EML4: variants seen among roughly 807,000 people sequenced by gnomAD.
EML4 encodes echinoderm microtubule-associated protein-like 4.
Under a neutral mutation model 129.0 loss-of-function variants are expected in EML4, and 72 were observed. The ratio of observed to expected loss-of-function variants is 0.56; its 90% confidence interval spans 0.46 to 0.68. The LOEUF is 0.68. EML4 is among the 30% of genes least tolerant of loss of function. EML4 has a pLI of 0.00. For missense variants in EML4, 1,363 were observed against 1,190.6 expected (o/e 1.14, Z -2.13); for synonymous variants, 532 against 405.0 (o/e 1.31, Z -3.77).
intron 3 of EML4, among the ~76,000 whole-genome samples, chr2:42,256,875 GGTTTT>G (rs1177497755): frequency 6.6e-6 from 1 of 152,064 alleles, no homozygotes; most frequent in Non-Finnish European, 1.5e-5. Context: ...TTCATTTCCT[GGTTTT>G]GTTTTGTTTC....
At chr2:42,264,443 A>G (rs1201271491) in intron 5 of EML4, among the ~76,000 whole-genome samples, 1 of 152,150 alleles carries the variant, frequency 6.6e-6, no homozygotes, top group Non-Finnish European at 1.5e-5. Context: ...ATAATCATAT[A>G]AGATTTGAGT....
intron 20 of EML4, 197 bp from the exon 21 acceptor site, chr2:42,325,957 C>T: frequency 2.7e-6 from 1 of 368,678 alleles, no homozygotes; most frequent in Non-Finnish European, 3.8e-6. Flanking sequence ...AAAAAAAAAA[C>T]TTCCATGGGA....
At chr2:42,185,954 CTG>C (rs1051131560) in intron 1 of EML4, among the ~76,000 whole-genome samples, 4 of 152,100 alleles carry the variant, frequency 2.6e-5, no homozygotes, top group African/African-American at 9.7e-5. Flanking sequence ...CTACAAGACT[CTG>C]TTATGAATCA....
At chr2:42,304,371 T>C in intron 16 of EML4, 113 bp from the exon 17 acceptor site, 1 of 750,972 alleles carries the variant, frequency 1.3e-6, no homozygotes, top group Non-Finnish European at 2.4e-6. Flanking sequence ...AGCTACAAAG[T>C]TGATTGAAAT....
intron 17 of EML4, among the ~76,000 whole-genome samples, chr2:42,309,539 C>T (rs1668813455): frequency 6.6e-6 from 1 of 150,520 alleles, no homozygotes; most frequent in Non-Finnish European, 1.5e-5. Flanking sequence ...GTTTCAGTTT[C>T]TCCACATCCT....
At chr2:42,201,851 G>T (rs966398295) in intron 1 of EML4, among the ~76,000 whole-genome samples, 4 of 152,224 alleles carry the variant, frequency 2.6e-5, no homozygotes, top group African/African-American at 9.6e-5. Context: ...GGAGGCTGAG[G>T]TAGGCAGATC....
At chr2:42,280,701 C>G (rs1447148539) in intron 6 of EML4, 149 bp from the exon 7 acceptor site, 2 of 609,706 alleles carry the variant, frequency 3.3e-6, no homozygotes, top group South Asian at 2.3e-5. Context: ...TACAGGACAA[C>G]TATATAACAA....
intron 1 of EML4, among the ~76,000 whole-genome samples, chr2:42,197,285 A>G (rs994407530): frequency 6.6e-6 from 1 of 152,118 alleles, no homozygotes; most frequent in African/African-American, 2.4e-5. Flanking sequence ...CTGGTCTCCA[A>G]CTGTGAGGGC....
intron 19 of EML4, among the ~76,000 whole-genome samples, chr2:42,323,958 GAAA>G (rs1669656946): frequency 6.9e-6 from 1 of 144,114 alleles, no homozygotes; most frequent in African/African-American, 2.6e-5. Flanking sequence ...AAAAAAAAAA[GAAA>G]AGAAAAAGAA....
intron 1 of EML4, among the ~76,000 whole-genome samples, chr2:42,205,782 A>G (rs933995682): frequency 2.0e-5 from 3 of 152,138 alleles, no homozygotes; most frequent in Non-Finnish European, 2.9e-5. Context: ...TTGGGTTAGA[A>G]TTCCCTAATT....
intron 6 of EML4, among the ~76,000 whole-genome samples, chr2:42,280,475 T>C (rs1666942950): frequency 6.6e-6 from 1 of 152,228 alleles, no homozygotes; most frequent in African/African-American, 2.4e-5. Flanking sequence ...GGGAAAAAAA[T>C]TGTCTGTTAT....
At chr2:42,178,202 G>A (rs1670719677) in intron 1 of EML4, among the ~76,000 whole-genome samples, 1 of 152,136 alleles carries the variant, frequency 6.6e-6, no homozygotes, top group African/African-American at 2.4e-5. Context: ...TATAAAATTG[G>A]TAGGGCTAGG....
At chr2:42,260,333 A>G (rs985248025) in intron 3 of EML4, among the ~76,000 whole-genome samples, 1 of 151,946 alleles carries the variant, frequency 6.6e-6, no homozygotes, top group Non-Finnish European at 1.5e-5. Flanking sequence ...GCGCCAAGCT[A>G]ATTTTTGTAT....
chr2:42,205,124 A>T (rs1672468632), intron 1 of EML4, among the ~76,000 whole-genome samples: 1 of 152,224 alleles, frequency 6.6e-6, no homozygotes, highest in Non-Finnish European at 1.5e-5. Flanking sequence ...TATTGGAAAT[A>T]AAATGAAGGG....
At chr2:42,312,227 T>C (rs1668992776) in intron 17 of EML4, among the ~76,000 whole-genome samples, 1 of 152,140 alleles carries the variant, frequency 6.6e-6, no homozygotes, top group Admixed American at 6.5e-5. Context: ...AGTTAGAGAT[T>C]TCACTGATAG....
Position 42,275,533 on chromosome 2 carries a change from A to G in EML4, c.668-5317A>G, listed in dbSNP as rs564175937. 9.2e-5 allele frequency among the ~76,000 whole-genome samples: 14 copies of G among 152,356 alleles called. No homozygotes were observed. The East Asian group carries it at 2.3e-3, about 25-fold the overall frequency. On this transcript the variant is annotated intron_variant, in intron 6 of 22. Coordinates refer to ENST00000318522, the MANE Select transcript of EML4 (RefSeq NM_019063.5). ...TAAGATTTCATCCAGCCCCAACATTATATGTGTCTGGGGAAATGAACAACA... is the reference window on the plus strand; with the variant it reads ...TAAGATTTCATCCAGCCCCAACATTGTATGTGTCTGGGGAAATGAACAACA...
chr2:42,173,039 G>A (rs1024293914), intron 1 of EML4, among the ~76,000 whole-genome samples: 4 of 152,130 alleles, frequency 2.6e-5, no homozygotes, highest in Non-Finnish European at 4.4e-5. Context: ...AAAAATCATA[G>A]TGAATGAAAT....
chr2:42,245,343 C>T (rs758585186), intron 1 of EML4, among the ~76,000 whole-genome samples, 162 bp from the exon 2 acceptor site: 1 of 151,576 alleles, frequency 6.6e-6, no homozygotes, highest in Non-Finnish European at 1.5e-5. Flanking sequence ...TGATCTGCCT[C>T]TCTTGGCCCC....
chr2:42,298,481 C>A (rs1668077950), intron 13 of EML4, among the ~76,000 whole-genome samples: 1 of 151,544 alleles, frequency 6.6e-6, no homozygotes, highest in Non-Finnish European at 1.5e-5. Context: ...AAATACAGGC[C>A]CATAAGAAAG....
Sources: allele counts gnomAD v4.1 joint callset (sites outside exome capture counted in the v4.1 genomes callset), GRCh38; gene constraint gnomAD v4.1.1; transcripts MANE v1.5; gene names NCBI Gene and HGNC (gene_info 2026-07-23, HGNC 2026-07-21).